The following MYH10 variants were observed in gnomAD, a reference collection of about 807,000 sequenced individuals.
MYH10 encodes myosin-10.
A neutral mutation model predicts 257.8 loss-of-function variants in MYH10; 55 were observed. The observed-to-expected ratio is 0.21, with a 90% CI of 0.17 to 0.27. The LOEUF is 0.27. Among genes scored for constraint, MYH10 ranks in the 10% least tolerant of loss-of-function variants. MYH10 has a pLI of 1.00. For missense variants in MYH10, 1,631 were observed against 2,500.6 expected, an observed-to-expected ratio of 0.65 and a Z score of 7.42; for synonymous variants, 854 against 921.7, an observed-to-expected ratio of 0.93 and a Z score of 1.33.
intron 1 of MYH10, among the ~76,000 whole-genome samples, chr17:8,627,766 C>G (rs915308188): frequency 8.5e-5 from 13 of 152,166 alleles, no homozygotes; most frequent in Admixed American, 2.0e-4. Flanking sequence ...ATACCATTGT[C>G]ATATATCACT....
At chr17:8,567,162 G>C (rs2083190562) in intron 7 of MYH10, among the ~76,000 whole-genome samples, 1 of 152,174 alleles carries the variant, frequency 6.6e-6, no homozygotes. Flanking sequence ...GAAAATTTCA[G>C]ATTTAGTTGT....
Position 8,504,323 on chromosome 17 carries a change from T to G in MYH10, c.3599+371A>C, listed in dbSNP as rs1333307951. On this transcript the variant is annotated intron_variant, in intron 28 of 42. Transcript: ENST00000360416. The surrounding 1 kb of genome is among the most constrained non-coding windows in gnomAD (Gnocchi z 5.6). ...CAGCATGTGTGCCTGGCCTCCTGGG[T>G]ATCTCCTCCTATTCCTGTGTTTACC... Among the ~76,000 whole-genome samples, 2 of 152,128 alleles carry G rather than the reference T, an allele frequency of 1.3e-5. No individual in the cohort carries two copies. Among genetic ancestry groups the G allele is most frequent in the Non-Finnish European group, 2.9e-5 (2 of 68,012 alleles).
chr17:8,573,993 AG>A (rs2083425581), intron 6 of MYH10: 1 of 189,262 alleles, frequency 5.3e-6, no homozygotes, highest in African/African-American at 2.4e-5. Context: ...AATGTTTAAC[AG>A]AATTACCGTA....
intron 23 of MYH10, 80 bp from the exon 24 acceptor site, chr17:8,512,737 A>G: frequency 9.0e-7 from 1 of 1,108,178 alleles, no homozygotes; most frequent in Non-Finnish European, 1.3e-6. Context: ...TTCAATGGTC[A>G]ATGCACATCA....
At chr17:8,601,798 T>A (rs1226852023) in intron 3 of MYH10, among the ~76,000 whole-genome samples, 1 of 152,220 alleles carries the variant, frequency 6.6e-6, no homozygotes, top group Non-Finnish European at 1.5e-5. Flanking sequence ...TGATACAGTA[T>A]CCCCTAAAAT....
chr17:8,565,769 T>C (rs2083145827), intron 7 of MYH10, among the ~76,000 whole-genome samples: 1 of 152,214 alleles, frequency 6.6e-6, no homozygotes, highest in African/African-American at 2.4e-5. Flanking sequence ...TTCTTTCCTG[T>C]GTGCTGCTTC....
At chr17:8,570,557 GA>G (rs2152002943) in intron 6 of MYH10, among the ~76,000 whole-genome samples, 1 of 152,290 alleles carries the variant, frequency 6.6e-6, no homozygotes, top group East Asian at 1.9e-4. Context: ...AAAAGCACCA[GA>G]AGTGATGCTG....
intron 2 of MYH10, among the ~76,000 whole-genome samples, chr17:8,611,251 C>T (rs1282948412): frequency 1.3e-5 from 2 of 152,182 alleles, no homozygotes; most frequent in Admixed American, 1.3e-4. Flanking sequence ...GAACAGAAGT[C>T]AACTCCTGCA....
In MYH10 at chr17:8,490,710, C is replaced by A. The variant is rs1374303305; in HGVS notation, c.4672-158G>T. On this transcript the variant is annotated intron_variant, in intron 34 of 42. Coordinates refer to ENST00000360416, the MANE Select transcript of MYH10 (RefSeq NM_001256012.3). This position sits in a 1 kb window ranked among gnomAD's most constrained non-coding sequence, Gnocchi z 4.1. ...ATGCATACACATCCTTCCCTCTCCC[C>A]TGAAAGCTGCTGCTATTCTCCATTT... Among the ~76,000 whole-genome samples, 4 of 152,258 alleles carry A rather than the reference C, an allele frequency of 2.6e-5. No individual in the cohort carries two copies. Among genetic ancestry groups the A allele is most frequent in the Non-Finnish European group, 5.9e-5 (4 of 68,050 alleles).
intron 6 of MYH10, among the ~76,000 whole-genome samples, chr17:8,575,527 A>G (rs927181859): frequency 4.6e-5 from 7 of 152,182 alleles, no homozygotes; most frequent in African/African-American, 7.2e-5. Flanking sequence ...TAAAGGAGCA[A>G]AAGGACATCA....
At chr17:8,621,639 T>C (rs2085471605) in intron 2 of MYH10, among the ~76,000 whole-genome samples, 1 of 152,220 alleles carries the variant, frequency 6.6e-6, no homozygotes, top group African/African-American at 2.4e-5. Flanking sequence ...CTTTCCATTC[T>C]CCTCAAGCCA....
intron 14 of MYH10, among the ~76,000 whole-genome samples, chr17:8,536,818 T>G (rs1597769589): frequency 7.0e-6 from 1 of 143,144 alleles, no homozygotes. Context: ...AAAAAAGCGC[T>G]AGATGAATCC....
intron 2 of MYH10, among the ~76,000 whole-genome samples, chr17:8,609,925 CTG>C (rs909985482): frequency 2.0e-5 from 3 of 151,210 alleles, no homozygotes; most frequent in East Asian, 1.9e-4. Flanking sequence ...CTTGAGAAAA[CTG>C]TGTGTGTGGA....
rs563312449 is a variant in MYH10 at position 8,625,976 on chromosome 17, TTG to T, written c.-31-2701_-31-2700del. Among the ~76,000 whole-genome samples, 22 of 152,330 alleles carry T rather than the reference TTG, an allele frequency of 1.4e-4. No individual in the cohort carries two copies. The South Asian group carries it at 4.6e-3, about 32-fold the overall frequency. ...AATTCATAACAATTTAAATAACATGTTGATGTCTTAAAGGTTATAGACTTGGA... is the reference window on the plus strand; with the variant it reads ...AATTCATAACAATTTAAATAACATGTATGTCTTAAAGGTTATAGACTTGGA... On this transcript the variant is annotated intron_variant, in intron 1 of 42. Coordinates refer to ENST00000360416, the MANE Select transcript of MYH10 (RefSeq NM_001256012.3).
intron 4 of MYH10, among the ~76,000 whole-genome samples, chr17:8,579,567 A>C (rs534577112): frequency 6.6e-6 from 1 of 152,332 alleles, no homozygotes; most frequent in South Asian, 2.1e-4. Context: ...TTAATGGTTT[A>C]TAAGACTATT....
At chr17:8,629,364 T>A (rs1219185921) in intron 1 of MYH10, among the ~76,000 whole-genome samples, 3 of 31,394 alleles carry the variant, frequency 9.6e-5, no homozygotes, top group Admixed American at 3.6e-4. Flanking sequence ...CCCACCCCCT[T>A]CCATCCACCG....
At chr17:8,484,505 T>C (rs960233692) in intron 36 of MYH10, among the ~76,000 whole-genome samples, 1 of 152,164 alleles carries the variant, frequency 6.6e-6, no homozygotes, top group African/African-American at 2.4e-5. Context: ...TATAAAAGTA[T>C]ATGGGAATGA....
At chr17:8,594,856 G>C (rs2084300921) in intron 3 of MYH10, among the ~76,000 whole-genome samples, 1 of 152,126 alleles carries the variant, frequency 6.6e-6, no homozygotes, top group Non-Finnish European at 1.5e-5. Flanking sequence ...ATTGTTTAGG[G>C]AATAATGAAA....
At chr17:8,561,546 T>G in intron 7 of MYH10, 1 of 1,228,704 alleles carries the variant, frequency 8.1e-7, no homozygotes, top group Non-Finnish European at 1.2e-6. Context: ...CTGCGGGTGC[T>G]GCCCCATGTC....
Sources: gnomAD v4.1 joint callset for allele counts (sites outside exome capture counted in the v4.1 genomes callset) on GRCh38, gnomAD v4.1.1 for gene constraint, Gnocchi (gnomAD v3.1) non-coding constraint, MANE v1.5 for transcripts, NCBI Gene and HGNC (gene_info 2026-07-23, HGNC 2026-07-21) for gene names.